The following CDH13 variants were observed in gnomAD, a reference collection of about 807,000 sequenced individuals.
CDH13 encodes the protein cadherin-13.
A neutral mutation model predicts 63.8 loss-of-function variants in CDH13; 24 were observed. The ratio of observed to expected loss-of-function variants is 0.38; its 90% CI spans 0.27 to 0.53. The LOEUF (loss-of-function observed/expected upper bound fraction) is 0.53, where lower values mean the gene tolerates loss of function less well. CDH13 is among the 20% of genes least tolerant of loss of function. The pLI is 0.85. For synonymous variants in CDH13, 503 were observed against 355.3 expected, an observed-to-expected ratio of 1.42 and a Z score of -4.67; for missense variants, 1,049 against 903.1, an observed-to-expected ratio of 1.16 and a Z score of -2.07.
chr16:83,452,290 A>AATATAAGGTT, intron 6 of CDH13, among the ~76,000 whole-genome samples: 1 of 152,134 alleles, frequency 6.6e-6, no homozygotes, highest in Admixed American at 6.5e-5. Flanking sequence ...GCTGCCTATA[A>AATATAAGGTT]TCAGTTTCAT....
chr16:82,636,772 A>T (rs1042435029), intron 1 of CDH13, among the ~76,000 whole-genome samples: 8 of 152,242 alleles, frequency 5.3e-5, no homozygotes, highest in African/African-American at 1.9e-4. Flanking sequence ...ACCCAAACCA[A>T]GACACAACCA....
At chr16:83,135,188 C>T (rs867829788) in intron 4 of CDH13, among the ~76,000 whole-genome samples, 10 of 152,156 alleles carry the variant, frequency 6.6e-5, no homozygotes, top group Non-Finnish European at 1.5e-4. Context: ...GTAGGCAATC[C>T]TACACTCATT....
intron 6 of CDH13, among the ~76,000 whole-genome samples, chr16:83,445,805 A>G (rs1598039013): frequency 1.3e-5 from 2 of 152,270 alleles, no homozygotes; most frequent in South Asian, 4.1e-4. Flanking sequence ...TAGCTTGGAA[A>G]TATAACTCGG....
intron 13 of CDH13, among the ~76,000 whole-genome samples, chr16:83,790,767 C>A (rs1916209536): frequency 6.6e-6 from 1 of 152,184 alleles, no homozygotes; most frequent in South Asian, 2.1e-4. Context: ...TCCCCTAGCA[C>A]CCTCCCAGTG....
chr16:83,281,783 C>T (rs2113297), intron 5 of CDH13, among the ~76,000 whole-genome samples: 24,495 of 151,350 alleles, frequency 0.16, 1,988 homozygotes, highest in South Asian at 0.2. Context: ...CGTGGTGGCG[C>T]GCACCTGTAA....
At chr16:83,034,920 CCTGTG>C (rs1252922562) in intron 3 of CDH13, among the ~76,000 whole-genome samples, 1 of 152,044 alleles carries the variant, frequency 6.6e-6, no homozygotes, top group Admixed American at 6.6e-5. Context: ...ACAAAACTTG[CCTGTG>C]ATTGTTTTTG....
chr16:82,734,959 G>A (rs1385720879), intron 1 of CDH13, among the ~76,000 whole-genome samples: 1 of 152,158 alleles, frequency 6.6e-6, no homozygotes, highest in African/African-American at 2.4e-5. Flanking sequence ...GCACATAGAG[G>A]ATGTAGGGAG....
At chr16:83,076,629 T>C (rs1711689002) in intron 3 of CDH13, among the ~76,000 whole-genome samples, 1 of 151,452 alleles carries the variant, frequency 6.6e-6, no homozygotes, top group African/African-American at 2.4e-5. Context: ...TATATAAATA[T>C]ACACATCACA....
At chr16:83,525,211 G>A (rs1161386703) in intron 7 of CDH13, among the ~76,000 whole-genome samples, 4 of 152,032 alleles carry the variant, frequency 2.6e-5, no homozygotes, top group East Asian at 1.9e-4. Flanking sequence ...TGTAGTACTC[G>A]GATTGACCAG....
intron 3 of CDH13, among the ~76,000 whole-genome samples, chr16:83,054,408 A>G (rs1043419877): frequency 6.6e-6 from 1 of 152,246 alleles, no homozygotes; most frequent in Non-Finnish European, 1.5e-5. Context: ...GCTTACTTGC[A>G]TACAAGCACT....
intron 2 of CDH13, among the ~76,000 whole-genome samples, chr16:82,932,224 T>C (rs956332275): frequency 1.3e-5 from 2 of 152,184 alleles, no homozygotes; most frequent in African/African-American, 4.8e-5. Context: ...TATAAGTGTG[T>C]CCTGCCCAAC....
At chr16:83,119,779 C>T (rs369932225) in intron 3 of CDH13, among the ~76,000 whole-genome samples, 17 of 152,252 alleles carry the variant, frequency 1.1e-4, no homozygotes, top group East Asian at 3.9e-4. Flanking sequence ...GGTTCTTACA[C>T]GGTCCCAGTC....
At chr16:82,710,954 TA>T (rs1012722974) in intron 1 of CDH13, among the ~76,000 whole-genome samples, 61 of 144,146 alleles carry the variant, frequency 4.2e-4, no homozygotes, top group East Asian at 8.0e-4. Context: ...ACCCCAACAT[TA>T]AAAAAAAAAG....
intron 1 of CDH13, among the ~76,000 whole-genome samples, chr16:82,739,092 T>A (rs115200078): frequency 6.6e-6 from 1 of 152,242 alleles, no homozygotes; most frequent in Non-Finnish European, 1.5e-5. Context: ...CTGGTTATGA[T>A]TGAGATCTCA....
intron 6 of CDH13, among the ~76,000 whole-genome samples, chr16:83,404,811 A>C (rs549386449): frequency 1.2e-4 from 18 of 152,272 alleles, no homozygotes; most frequent in African/African-American, 3.4e-4. Context: ...CCAGTTTTGC[A>C]TTGTGTTCCT....
chr16:82,633,828 A>G (rs557926211), intron 1 of CDH13, among the ~76,000 whole-genome samples: 2 of 152,310 alleles, frequency 1.3e-5, no homozygotes, highest in East Asian at 1.9e-4. Flanking sequence ...TGTAAATACT[A>G]GACTAATCTG....
At chr16:82,967,534 C>G (rs1366862549) in intron 2 of CDH13, among the ~76,000 whole-genome samples, 1 of 152,180 alleles carries the variant, frequency 6.6e-6, no homozygotes, top group Non-Finnish European at 1.5e-5. Context: ...ATTAAGTGCC[C>G]ATTTCCCCTT....
chr16:83,528,170 C>G (rs151055084), intron 7 of CDH13, among the ~76,000 whole-genome samples: 27 of 152,300 alleles, frequency 1.8e-4, no homozygotes, highest in African/African-American at 5.3e-4. Context: ...ACATATTCAG[C>G]TTTAATCACA....
intron 7 of CDH13, among the ~76,000 whole-genome samples, chr16:83,591,357 T>C (rs563571757): frequency 6.6e-6 from 1 of 152,352 alleles, no homozygotes; most frequent in South Asian, 2.1e-4. Flanking sequence ...TTACTTTTTA[T>C]TTTACTTCAG....
Sources: gnomAD v4.1 joint callset for allele counts (sites outside exome capture counted in the v4.1 genomes callset) on GRCh38, gnomAD v4.1.1 for gene constraint, MANE v1.5 for transcripts, NCBI Gene and HGNC (gene_info 2026-07-23, HGNC 2026-07-21) for gene names.